The following CEP104 variants were observed in gnomAD, a reference collection of about 807,000 sequenced individuals.
CEP104 encodes the protein centrosomal protein 104.
A neutral mutation model predicts 113.3 loss-of-function variants in CEP104; 84 were observed. The observed-to-expected ratio is 0.74, with a 90% CI of 0.62 to 0.89. The LOEUF (loss-of-function observed/expected upper bound fraction) is 0.89, where lower values mean the gene tolerates loss of function less well. Among genes scored for constraint, CEP104 ranks in the 40% least tolerant of loss-of-function variants. The pLI, the probability that CEP104 is intolerant of heterozygous loss-of-function variation, is 0.00. For missense variants in CEP104, 1,053 were observed against 1,156.6 expected (o/e 0.91, Z 1.30); for synonymous variants, 378 against 421.7 (o/e 0.90, Z 1.27).
intron 7 of CEP104, 144 bp downstream of exon 7, chr1:3,839,464 G>GT (rs1644374950): frequency 5.2e-6 from 4 of 769,506 alleles, no homozygotes; most frequent in Non-Finnish European, 6.3e-6. Context: ...ATCTGTCTCC[G>GT]TAACTTTATT....
chr1:3,844,775 T>A, intron 6 of CEP104, 132 bp downstream of exon 6: 17 of 517,728 alleles, frequency 3.3e-5, no homozygotes, highest in Non-Finnish European at 5.3e-5. Flanking sequence ...TTTCAGACAA[T>A]CCAATCAGTG....
chr1:3,835,079 T>C lies in CEP104; in HGVS notation c.1331A>G (p.Tyr444Cys), dbSNP rs777132479. ...VLGETLVAEA[Y>C]CKTWSYREDA... ...CTCTCGGTAGGACCACGTCTTACAA[T>C]AGGCCTCAGCAACCTACCACAAAAC... Residue 444 changes from tyrosine (Y) to cysteine (C), a missense_variant, in exon 11 of 22, where the codon TAT (tyrosine) becomes TGT (cysteine). Transcript: ENST00000378230. 76 of 1,613,386 alleles carry C rather than the reference T, an allele frequency of 4.7e-5. No homozygotes were observed. The highest frequency in any genetic ancestry group is 5.8e-5 in the Non-Finnish European group (68 of 1,179,706).
At chr1:3,849,052 T>A (rs967512410) in intron 2 of CEP104, among the ~76,000 whole-genome samples, 3 of 152,196 alleles carry the variant, frequency 2.0e-5, no homozygotes, top group African/African-American at 7.2e-5. Context: ...AATGGTCTGA[T>A]GTGAAACCTG....
At chr1:3,848,874 C>T in intron 2 of CEP104, 93 bp from the exon 3 acceptor site, 1 of 941,010 alleles carries the variant, frequency 1.1e-6, no homozygotes, top group East Asian at 2.5e-5. Context: ...GAAGCATTAA[C>T]CACACACCCA....
In CEP104 at chr1:3,834,895, C is replaced by A. The variant is rs112306922; in HGVS notation, c.1485+30G>T. The A allele has an allele frequency of 0.02, 31,085 of 1,555,678 alleles. 535 individuals are homozygous for A. The highest frequency in any genetic ancestry group is 0.071 in the South Asian group (6,017 of 84,160). ...CGGCGCATGATCTCATCCATGCACG[C>A]TGGAGCCAGCGCCAGCTGAGGGCAC... On this transcript the variant is annotated intron_variant, in intron 11 of 21. Transcript: ENST00000378230.
chr1:3,828,680 C>A (rs1644140339), intron 15 of CEP104, among the ~76,000 whole-genome samples: 1 of 152,144 alleles, frequency 6.6e-6, no homozygotes, highest in African/African-American at 2.4e-5. Flanking sequence ...TGTGTTCTGC[C>A]ACCTTTATAT....
chr1:3,848,804 A>G, intron 2 of CEP104, 23 bp from the exon 3 acceptor site: 1 of 1,598,938 alleles, frequency 6.3e-7, no homozygotes, highest in Admixed American at 1.7e-5. Context: ...ACATTTTTAT[A>G]TTTTCTGAAC....
At chr1:3,852,602 T>C (rs1252183086) in intron 1 of CEP104, among the ~76,000 whole-genome samples, 181 bp from the exon 2 acceptor site, 1 of 152,228 alleles carries the variant, frequency 6.6e-6, no homozygotes, top group African/African-American at 2.4e-5. Context: ...ATGCTTCTGG[T>C]TCTGCTTAAG....
At chr1:3,828,373 C>T (rs766304058) in intron 15 of CEP104, among the ~76,000 whole-genome samples, 3 of 152,226 alleles carry the variant, frequency 2.0e-5, no homozygotes, top group Non-Finnish European at 4.4e-5. Context: ...CCTTCCGCCT[C>T]CTGTGTCCTT....
intron 6 of CEP104, among the ~76,000 whole-genome samples, chr1:3,840,156 C>T (rs531360728): frequency 6.6e-6 from 1 of 152,322 alleles, no homozygotes; most frequent in South Asian, 2.1e-4. Flanking sequence ...AATGGATGAC[C>T]AGGCCCCACC....
chr1:3,817,011 T>C (rs1237664064), intron 20 of CEP104, among the ~76,000 whole-genome samples: 1 of 152,232 alleles, frequency 6.6e-6, no homozygotes. Flanking sequence ...TTCGAGTTGT[T>C]CCTGGTTCCT....
At chr1:3,826,798 G>C in intron 15 of CEP104, 54 bp from the exon 16 acceptor site, 2 of 1,518,544 alleles carry the variant, frequency 1.3e-6, no homozygotes, top group Non-Finnish European at 1.8e-6. Context: ...GTGAGTGAGT[G>C]AGAGCCTGTT....
chr1:3,839,540 G>A (rs1055805785), intron 7 of CEP104, 68 bp downstream of exon 7: 1 of 1,384,946 alleles, frequency 7.2e-7, no homozygotes, highest in African/African-American at 1.4e-5. Flanking sequence ...TTACCATGTA[G>A]TTATTCTAAG....
intron 1 of CEP104, among the ~76,000 whole-genome samples, chr1:3,856,322 C>T (rs948239110): frequency 6.6e-6 from 1 of 152,190 alleles, no homozygotes; most frequent in Non-Finnish European, 1.5e-5. Flanking sequence ...GCGGAGGCTG[C>T]AGTGAGCTGA....
rs1251158924 is a variant in CEP104, at chr1:3,819,338, C to T, written c.2572-2968G>A. Among the ~76,000 whole-genome samples, 1 of 152,094 alleles carries T rather than the reference C, an allele frequency of 6.6e-6. No individual in the cohort carries two copies. Among genetic ancestry groups the T allele is most frequent in the Non-Finnish European group, 1.5e-5 (1 of 68,022 alleles). On this transcript the variant is annotated intron_variant, in intron 20 of 21. Transcript: ENST00000378230. This position sits in a 1 kb window ranked among gnomAD's most constrained non-coding sequence, Gnocchi z 4.6. Reference sequence around the variant, plus strand: ...AGGGGGCTGGGGAGAAAAGGGGCGGCATGTAGGCAGTGTTGTCTTTTGGGT... The same window carrying T: ...AGGGGGCTGGGGAGAAAAGGGGCGGTATGTAGGCAGTGTTGTCTTTTGGGT...
chr1:3,824,605 A>T (rs998304837), intron 18 of CEP104, among the ~76,000 whole-genome samples: 2 of 152,240 alleles, frequency 1.3e-5, no homozygotes, highest in Admixed American at 1.3e-4. Flanking sequence ...AACCACTCAC[A>T]TCCACGTGTA....
intron 15 of CEP104, among the ~76,000 whole-genome samples, chr1:3,827,839 G>A (rs756487328): frequency 2.0e-5 from 3 of 152,180 alleles, no homozygotes; most frequent in South Asian, 2.1e-4. Flanking sequence ...TTTCTCCCTC[G>A]TCTGCTCCTC....
chr1:3,829,527 T>C (rs1644158007), intron 14 of CEP104, among the ~76,000 whole-genome samples, 154 bp from the exon 15 acceptor site: 1 of 152,234 alleles, frequency 6.6e-6, no homozygotes, highest in Non-Finnish European at 1.5e-5. Flanking sequence ...ATTGATTTCA[T>C]TGGTGTCTAT....
chr1:3,838,436 C>T (rs1557680264), intron 8 of CEP104, among the ~76,000 whole-genome samples: 2 of 152,226 alleles, frequency 1.3e-5, no homozygotes, highest in African/African-American at 4.8e-5. Context: ...CAGGCGTGAG[C>T]CACCATGCCT....
Sources: allele counts gnomAD v4.1 joint callset (sites outside exome capture counted in the v4.1 genomes callset), GRCh38; gene constraint gnomAD v4.1.1; non-coding constraint Gnocchi (gnomAD v3.1); transcripts MANE v1.5; gene names NCBI Gene and HGNC (gene_info 2026-07-23, HGNC 2026-07-21).